Variants in CTTNBP2 observed in about 807,000 individuals in gnomAD.
The protein encoded by CTTNBP2 is cortactin binding protein 2.
Under a neutral mutation model 156.9 loss-of-function variants are expected in CTTNBP2, and 108 were observed. The observed-to-expected ratio is 0.69, with a 90% confidence interval of 0.59 to 0.81. The LOEUF (loss-of-function observed/expected upper bound fraction) is 0.81, where lower values mean the gene tolerates loss of function less well. Ranked by LOEUF, CTTNBP2 falls within the 30% of genes least tolerant of loss-of-function variation. The pLI is 0.00. For missense variants in CTTNBP2, 1,924 were observed against 2,035.4 expected (o/e 0.95, Z 1.05); for synonymous variants, 767 against 751.8 (o/e 1.02, Z -0.33).
intron 2 of CTTNBP2, among the ~76,000 whole-genome samples, chr7:117,858,186 C>G (rs1299725968): frequency 6.6e-6 from 1 of 152,152 alleles, no homozygotes; most frequent in Admixed American, 6.5e-5. Context: ...CTGGCTAACA[C>G]AGTGAAACCC....
intron 17 of CTTNBP2, 56 bp from the exon 18 acceptor site, chr7:117,725,313 A>G: frequency 6.7e-7 from 1 of 1,481,912 alleles, no homozygotes; most frequent in Non-Finnish European, 9.4e-7. Context: ...ATAATTATAC[A>G]CAATTCCGTG....
chr7:117,810,052 T>G (rs144594349), intron 3 of CTTNBP2, among the ~76,000 whole-genome samples: 190 of 152,320 alleles, frequency 1.2e-3, no homozygotes, highest in African/African-American at 4.4e-3. Context: ...CACCACAAGT[T>G]TTCATTGAAC....
At chr7:117,744,865 A>G (rs1249566389) in intron 14 of CTTNBP2, among the ~76,000 whole-genome samples, 1 of 152,208 alleles carries the variant, frequency 6.6e-6, no homozygotes, top group Non-Finnish European at 1.5e-5. Flanking sequence ...CCACTGTTCT[A>G]TCTTCCTAAG....
At chr7:117,869,222 A>C (rs1213820654) in intron 1 of CTTNBP2, among the ~76,000 whole-genome samples, 4 of 152,232 alleles carry the variant, frequency 2.6e-5, no homozygotes, top group African/African-American at 9.6e-5. Flanking sequence ...AAATTTTAAA[A>C]GAATTAGGGT....
At chr7:117,807,272 C>T (rs1433222278) in intron 3 of CTTNBP2, among the ~76,000 whole-genome samples, 1 of 152,102 alleles carries the variant, frequency 6.6e-6, no homozygotes, top group Non-Finnish European at 1.5e-5. Flanking sequence ...CCTCTCCTGA[C>T]AATTTTATTA....
intron 2 of CTTNBP2, among the ~76,000 whole-genome samples, chr7:117,849,054 C>A (rs1442742460): frequency 6.6e-6 from 1 of 152,176 alleles, no homozygotes; most frequent in Non-Finnish European, 1.5e-5. Context: ...CACTTGCTGA[C>A]TTTTGAAAAA....
At chr7:117,865,624 C>A (rs1359769254) in intron 1 of CTTNBP2, among the ~76,000 whole-genome samples, 6 of 131,746 alleles carry the variant, frequency 4.6e-5, no homozygotes, top group African/African-American at 1.7e-4. Flanking sequence ...TTGCAGTGAG[C>A]AGAGATCGTG....
chr7:117,740,359 GCCTGTTC>G (rs1326937382), intron 14 of CTTNBP2, among the ~76,000 whole-genome samples: 1 of 151,870 alleles, frequency 6.6e-6, no homozygotes, highest in Non-Finnish European at 1.5e-5. Flanking sequence ...TCTTTTCTGT[GCCTGTTC>G]CCTGGCTTTC....
chr7:117,790,880 A>G (rs189420682), intron 4 of CTTNBP2, among the ~76,000 whole-genome samples: 24 of 152,294 alleles, frequency 1.6e-4, no homozygotes, highest in Non-Finnish European at 1.5e-5. Context: ...TTAAGCCACT[A>G]CTTTCAGGTT....
intron 2 of CTTNBP2, among the ~76,000 whole-genome samples, chr7:117,836,699 G>A (rs188929845): frequency 1.3e-4 from 20 of 152,238 alleles, no homozygotes; most frequent in Non-Finnish European, 2.5e-4. Flanking sequence ...AAACATACCC[G>A]ACATTGGGTG....
At position 117,794,562 on chromosome 7, in the gene CTTNBP2, A is replaced by T. The variant is rs759525516; in HGVS notation, c.415-1781T>A. Among the ~76,000 whole-genome samples, 33 of 152,286 alleles carry T rather than the reference A, an allele frequency of 2.2e-4. No individual in the cohort carries two copies. In the Middle Eastern group the frequency reaches 0.021, roughly 95 times the overall value. ...AGTCCTGACGATGTTCCTGTTTCTT[A>T]CCCTGTTACAAAAATCCACGACTCC... On this transcript the variant is annotated intron_variant, in intron 3 of 22. Transcript: ENST00000160373.
At chr7:117,826,183 T>C (rs1801263620) in intron 2 of CTTNBP2, among the ~76,000 whole-genome samples, 1 of 152,192 alleles carries the variant, frequency 6.6e-6, no homozygotes, top group Non-Finnish European at 1.5e-5. Flanking sequence ...TAGCCAATTA[T>C]GTCAACTGTA....
At chr7:117,853,418 T>C (rs576549495) in intron 2 of CTTNBP2, among the ~76,000 whole-genome samples, 1 of 152,190 alleles carries the variant, frequency 6.6e-6, no homozygotes, top group Non-Finnish European at 1.5e-5. Flanking sequence ...ACACTGTATA[T>C]GAGCACACTG....
intron 2 of CTTNBP2, among the ~76,000 whole-genome samples, chr7:117,811,950 T>G (rs1800322519): frequency 6.6e-6 from 1 of 150,522 alleles, no homozygotes; most frequent in African/African-American, 2.4e-5. Flanking sequence ...AATTAAAATT[T>G]TTAATGTAAA....
Position 117,807,749 on chromosome 7 carries a change from A to G in CTTNBP2, c.414+3016T>C, listed in dbSNP as rs181298823. On this transcript the variant is annotated intron_variant, in intron 3 of 22. Transcript: ENST00000160373. ...TGCTGTCTGGCATCAACAGGGTGAA[A>G]AGAAAGCTGCAGCATCCATTTCTCA... Among the ~76,000 whole-genome samples the G allele has an allele frequency of 1.1e-3, 161 of 152,268 alleles. 6 individuals carry two copies. The South Asian group carries it at 0.028, about 26-fold the overall frequency.
chr7:117,715,490 A>AAAG, intron 22 of CTTNBP2, among the ~76,000 whole-genome samples: 1 of 151,664 alleles, frequency 6.6e-6, no homozygotes, highest in South Asian at 2.1e-4. Context: ...AAAAAAAAAA[A>AAAG]AAAGAAGCCT....
chr7:117,723,041 C>T (rs1248875332), intron 19 of CTTNBP2, among the ~76,000 whole-genome samples: 1 of 152,118 alleles, frequency 6.6e-6, no homozygotes, highest in Admixed American at 6.5e-5. Flanking sequence ...ATCTGGGGGT[C>T]TATACTAAAT....
intron 2 of CTTNBP2, among the ~76,000 whole-genome samples, chr7:117,839,301 T>C (rs997949167): frequency 6.6e-6 from 1 of 152,228 alleles, no homozygotes; most frequent in Non-Finnish European, 1.5e-5. Context: ...GCTCTTTATA[T>C]GCCATTAGTC....
At chr7:117,824,376 A>C (rs1296118640) in intron 2 of CTTNBP2, among the ~76,000 whole-genome samples, 1 of 151,872 alleles carries the variant, frequency 6.6e-6, no homozygotes, top group Non-Finnish European at 1.5e-5. Context: ...CTCCTGGTGG[A>C]TCTCCATTCT....
Sources: gnomAD v4.1 joint callset for allele counts (sites outside exome capture counted in the v4.1 genomes callset) on GRCh38, gnomAD v4.1.1 for gene constraint, MANE v1.5 for transcripts, NCBI Gene and HGNC (gene_info 2026-07-23, HGNC 2026-07-21) for gene names.